DOCK10: variants seen among roughly 807,000 people sequenced by gnomAD.
DOCK10 encodes the protein dedicator of cytokinesis protein 10.
DOCK10 carries 145 observed loss-of-function variants against 280.1 expected under a neutral mutation model. That is an observed-to-expected ratio of 0.52 (90% confidence interval 0.45 to 0.59). The LOEUF (loss-of-function observed/expected upper bound fraction) is 0.59. DOCK10 is among the 20% of genes least tolerant of loss of function. The pLI is 0.00. For missense variants in DOCK10, 2,368 were observed against 2,651.7 expected (o/e 0.89, Z 2.35); for synonymous variants, 915 against 942.2 (o/e 0.97, Z 0.53).
chr2:224,881,462 C>T (rs893679075), intron 7 of DOCK10, among the ~76,000 whole-genome samples: 3 of 152,020 alleles, frequency 2.0e-5, no homozygotes, highest in Non-Finnish European at 2.9e-5. Context: ...TTTTTTCTGC[C>T]CACATAGCTT....
intron 3 of DOCK10, among the ~76,000 whole-genome samples, chr2:224,896,746 A>C (rs1700009491): frequency 1.3e-5 from 2 of 152,226 alleles, no homozygotes; most frequent in South Asian, 4.2e-4. Flanking sequence ...AATCATTAAA[A>C]ATAATCAACT....
chr2:224,841,864 G>A lies in DOCK10; in HGVS notation c.2601C>T (p.Cys867=). ...DPHVNAFFQE[C]QKREKDMSQS... is the part of the protein sequence containing the mutation. ...GAGACATATCTTTCTCTCTTTTTTGGCACTCTTGGAAAAATGCATTCACAT... is the reference window on the plus strand; with the variant it reads ...GAGACATATCTTTCTCTCTTTTTTGACACTCTTGGAAAAATGCATTCACAT... Residue 867 remains cysteine, a synonymous_variant, in exon 23 of 56, where the codon TGC becomes TGT. Coordinates refer to ENST00000258390, the MANE Select transcript of DOCK10 (RefSeq NM_014689.3). 1 of 1,612,692 alleles carries A rather than the reference G, an allele frequency of 6.2e-7. No homozygotes were observed. Among genetic ancestry groups the A allele is most frequent in the Non-Finnish European group, 8.5e-7 (1 of 1,179,106 alleles).
intron 30 of DOCK10, among the ~76,000 whole-genome samples, chr2:224,815,167 T>G (rs952573149): frequency 1.3e-5 from 2 of 152,180 alleles, no homozygotes; most frequent in Admixed American, 6.5e-5. Flanking sequence ...CCGATGGTTT[T>G]AAAGTGTGGC....
In DOCK10 at chr2:224,876,041, G is replaced by A; in HGVS notation, c.928C>T (p.Leu310=). ...RRSTELTDLG[L]DSLDNSVTCE... ...AGACGGCTTCATATGCTCTCACCCA[G>A]ACCCAGATCAGTGAGCTCTGTGCTC... The change falls in exon 8 of 56, where the codon CTG becomes TTG. Residue 310 remains leucine (L), a synonymous_variant. Transcript: ENST00000258390. 1 of 1,612,178 alleles carries A rather than the reference G, an allele frequency of 6.2e-7. No homozygotes were observed. Among genetic ancestry groups the A allele is most frequent in the Non-Finnish European group, 8.5e-7 (1 of 1,179,344 alleles).
At chr2:224,963,979 C>T (rs1333490788) in intron 1 of DOCK10, among the ~76,000 whole-genome samples, 1 of 143,722 alleles carries the variant, frequency 7.0e-6, no homozygotes, top group African/African-American at 2.6e-5. Flanking sequence ...CATGTTTTCA[C>T]AATTTGGTCT....
chr2:224,808,056 A>C lies in DOCK10; in HGVS notation c.3440T>G (p.Phe1147Cys). Reference protein sequence around the residue: ...DMPEYSVTNEFCRKHFLIGIL... With the variant: ...DMPEYSVTNECCRKHFLIGIL... ...TCCGATTAAGAAGTGTTTGCGACAA[A>C]ATTCATTTGTGACTGAATATTCAGG... Residue 1147 changes from phenylalanine (F) to cysteine (C), a missense_variant, in exon 32 of 56, where the codon TTT becomes TGT. Physicochemically the swap from Phe to Cys is radical, Grantham distance 205 (BLOSUM62 -2). Around this residue, in one of 2 missense-constraint regions of DOCK10, gnomAD observed 1,159 missense variants for 1,400.8 expected, o/e 0.83. Coordinates refer to ENST00000258390, the MANE Select transcript of DOCK10 (RefSeq NM_014689.3). 6.2e-7 allele frequency: 1 copy of C among 1,612,436 alleles called. No homozygotes were observed. The highest frequency in any genetic ancestry group is 8.5e-7 in the Non-Finnish European group (1 of 1,179,182).
intron 50 of DOCK10, among the ~76,000 whole-genome samples, chr2:224,779,923 A>C (rs1033540544): frequency 1.3e-5 from 2 of 152,124 alleles, no homozygotes. Context: ...AAAGGTGGGA[A>C]ATGTGTCTTC....
Position 224,797,940 on chromosome 2 carries a change from A to G in DOCK10, c.4536T>C (p.Asn1512=). 1 of 1,613,802 alleles carries G rather than the reference A, an allele frequency of 6.2e-7. No individual in the cohort carries two copies. The highest frequency in any genetic ancestry group is 8.5e-7 in the Non-Finnish European group (1 of 1,179,766). ...QRQLQQCDCQ[N]SLMKRVFDTY... ...TATCAAAGACCCTTTTCATCAATGA[A>G]TTTTGACAGTCACATTGTTGGAGTT... The change falls in exon 42 of 56, where the codon AAT becomes AAC. Residue 1512 remains asparagine (N), a synonymous_variant. Coordinates refer to ENST00000258390, the MANE Select transcript of DOCK10 (RefSeq NM_014689.3).
chr2:224,900,694 CTAAG>C (rs1700249225), intron 3 of DOCK10, among the ~76,000 whole-genome samples: 1 of 152,184 alleles, frequency 6.6e-6, no homozygotes, highest in Non-Finnish European at 1.5e-5. Flanking sequence ...TTTTATCTGC[CTAAG>C]TAATACCACC....
chr2:224,927,962 G>A (rs775412738), intron 2 of DOCK10, among the ~76,000 whole-genome samples: 2 of 152,242 alleles, frequency 1.3e-5, no homozygotes, highest in Non-Finnish European at 1.5e-5. Flanking sequence ...ATCCCTCAAT[G>A]CCTTGGGATT....
chr2:224,794,739 T>C, intron 45 of DOCK10, 140 bp downstream of exon 45: 1 of 738,070 alleles, frequency 1.4e-6, no homozygotes, highest in Non-Finnish European at 2.3e-6. Context: ...AAATGTATTG[T>C]ATATGATATA....
At chr2:225,040,075 T>C (rs1248037655) in intron 1 of DOCK10, among the ~76,000 whole-genome samples, 2 of 152,148 alleles carry the variant, frequency 1.3e-5, no homozygotes, top group South Asian at 2.1e-4. Context: ...GCAACAGATA[T>C]GAAGAGTCTT....
At position 224,804,178 on chromosome 2, in the gene DOCK10, G is replaced by A. The variant is rs775148037; in HGVS notation, c.4202C>T (p.Thr1401Ile). ...IAAAFKFVQSTQNNGTLKGSN... is the reference protein window; with the variant it reads ...IAAAFKFVQSIQNNGTLKGSN... ...TCCTTTGAGAGTTCCATTGTTCTGG[G>A]TGGACTGCACAAATTTAAATGCAGC... The change falls in exon 39 of 56, where the codon ACC becomes ATC. Residue 1401 changes from threonine to isoleucine, a missense_variant. Thr to Ile is a moderately conservative substitution (Grantham distance 89). Coordinates refer to ENST00000258390, the MANE Select transcript of DOCK10 (RefSeq NM_014689.3). The A allele has an allele frequency of 6.2e-7, 1 of 1,611,936 alleles. No homozygotes were observed. The highest frequency in any genetic ancestry group is 1.1e-5 in the South Asian group (1 of 90,954).
intron 2 of DOCK10, among the ~76,000 whole-genome samples, chr2:224,926,501 C>T (rs1702051679): frequency 1.3e-5 from 2 of 152,132 alleles, no homozygotes; most frequent in Admixed American, 6.5e-5. Flanking sequence ...CACTACACTC[C>T]AGCCTGGATA....
chr2:224,985,724 C>A (rs1390006314), intron 1 of DOCK10, among the ~76,000 whole-genome samples: 1 of 152,036 alleles, frequency 6.6e-6, no homozygotes, highest in Admixed American at 6.5e-5. Flanking sequence ...CCTCAGGGGT[C>A]CACCTACCCA....
At chr2:224,840,117 G>C (rs958757988) in intron 23 of DOCK10, 45 bp from the exon 24 acceptor site, 11 of 935,362 alleles carry the variant, frequency 1.2e-5, no homozygotes, top group Non-Finnish European at 1.6e-5. Flanking sequence ...TAAATTTGAA[G>C]CATGTCCTAC....
intron 19 of DOCK10, among the ~76,000 whole-genome samples, chr2:224,845,971 G>A (rs576547228): frequency 1.2e-4 from 19 of 152,262 alleles, no homozygotes; most frequent in African/African-American, 4.1e-4. Context: ...TGATCCGCCC[G>A]CCTTGGCCTC....
intron 26 of DOCK10, among the ~76,000 whole-genome samples, chr2:224,833,068 C>G (rs1695338754): frequency 6.6e-6 from 1 of 152,194 alleles, no homozygotes; most frequent in Admixed American, 6.5e-5. Flanking sequence ...AGCAGTGACT[C>G]TCCCCAGAGG....
chr2:224,871,673 G>A (rs1473951187), intron 11 of DOCK10, among the ~76,000 whole-genome samples: 2 of 151,858 alleles, frequency 1.3e-5, no homozygotes, highest in African/African-American at 2.4e-5. Context: ...ACCTGTCTTG[G>A]TGCATTTGTA....
Sources: gnomAD v4.1 joint callset for allele counts (sites outside exome capture counted in the v4.1 genomes callset) on GRCh38, gnomAD v4.1.1 for gene constraint, gnomAD v4.1.1 regional missense constraint, MANE v1.5 for transcripts, NCBI Gene and HGNC (gene_info 2026-07-23, HGNC 2026-07-21) for gene names.